The following MKLN1 variants were observed in gnomAD, a reference collection of about 807,000 sequenced individuals.
The protein encoded by MKLN1 is muskelin.
Under a neutral mutation model 99.0 loss-of-function variants are expected in MKLN1, and 18 were observed. That is an observed-to-expected ratio of 0.18 (90% CI 0.13 to 0.27). The LOEUF (loss-of-function observed/expected upper bound fraction) is 0.27, where lower values mean the gene tolerates loss of function less well. Ranked by LOEUF, MKLN1 falls within the 10% of genes least tolerant of loss-of-function variation. The probability of loss-of-function intolerance (pLI) is 1.00; values close to 1 mark genes in which losing one functional copy is unlikely to be tolerated. For synonymous variants in MKLN1, 288 were observed against 293.2 expected (o/e 0.98, Z 0.18); for missense variants, 621 against 875.9 (o/e 0.71, Z 3.67).
chr7:131,175,251 G>GATAGATAGATAGATAGATAGATA (rs71168380), intron 2 of MKLN1, among the ~76,000 whole-genome samples: 9,411 of 150,224 alleles, frequency 0.063, 415 homozygotes, highest in Admixed American at 0.14. Flanking sequence ...TGGATGGATA[G>GATAGATAGATAGATAGATAGATA]ATAGATAGAT....
chr7:131,208,729 G>A (rs1476114308), intron 3 of MKLN1, among the ~76,000 whole-genome samples: 1 of 152,156 alleles, frequency 6.6e-6, no homozygotes, highest in African/African-American at 2.4e-5. Flanking sequence ...AACCTGCCAT[G>A]TGCCTTCATC....
chr7:131,239,098 C>T (rs1310831029), intron 3 of MKLN1, among the ~76,000 whole-genome samples: 1 of 152,098 alleles, frequency 6.6e-6, no homozygotes, highest in African/African-American at 2.4e-5. Context: ...GGTGGCAGAA[C>T]CAAGACAGGA....
chr7:131,156,354 C>T (rs911093533), intron 2 of MKLN1, among the ~76,000 whole-genome samples: 1 of 148,830 alleles, frequency 6.7e-6, no homozygotes, highest in Non-Finnish European at 1.5e-5. Context: ...GGTGAAACCC[C>T]GTCTCTACTA....
intron 3 of MKLN1, among the ~76,000 whole-genome samples, chr7:131,299,480 A>G (rs1041622708): frequency 8.5e-5 from 13 of 152,234 alleles, no homozygotes; most frequent in Non-Finnish European, 1.2e-4. Flanking sequence ...AGAGAGAAAT[A>G]TAATATTTTC....
Position 131,275,567 on chromosome 7 carries a change from A to ATTTTT in MKLN1, c.-179+72614_-179+72618dup, listed in dbSNP as rs869119196. 8.0e-3 allele frequency among the ~76,000 whole-genome samples: 45 copies of ATTTTT among 5,598 alleles called. 7 individuals are homozygous for ATTTTT. Among genetic ancestry groups the ATTTTT allele is most frequent in the Admixed American group, 0.011 (2 of 182 alleles). 3.7% of individuals were successfully genotyped at this position (5,598 alleles called of 152,430 possible). On this transcript the variant is annotated intron_variant, in intron 3 of 7. Coordinates refer to the MKLN1 transcript ENST00000416992. Reference sequence around the variant, plus strand: ...TATATATATATATATATATATATATATTTTTTTTTTTTTTTTTTTTTTTTT... The same window carrying ATTTTT: ...TATATATATATATATATATATATATATTTTTTTTTTTTTTTTTTTTTTTTTTTTTT...
chr7:131,278,487 TC>T (rs1798006338), intron 3 of MKLN1, among the ~76,000 whole-genome samples: 1 of 152,220 alleles, frequency 6.6e-6, no homozygotes, highest in Non-Finnish European at 1.5e-5. Flanking sequence ...ACCCAGGCAT[TC>T]TTTTTCCATT....
chr7:131,401,589 G>C (rs185168048), intron 6 of MKLN1, among the ~76,000 whole-genome samples: 43 of 152,004 alleles, frequency 2.8e-4, no homozygotes, highest in African/African-American at 9.9e-4. Flanking sequence ...TCTTTTTTCT[G>C]TTTTCCTGGT....
rs1274709872 is a variant in MKLN1, at chr7:131,211,955, G to A, written c.-179+8981G>A. ...ATTGAATGGTCTTACAGGAGTGTTG[G>A]AGAGAAATGATGAAAAGCATTAGAA... is the stretch of plus-strand genomic sequence containing the variant. On this transcript the variant is annotated intron_variant, in intron 3 of 7. Transcript: ENST00000416992. Among the ~76,000 whole-genome samples, 7 of 152,240 alleles carry A rather than the reference G, an allele frequency of 4.6e-5. No individual in the cohort carries two copies. In the South Asian group the frequency reaches 1.0e-3, roughly 23 times the overall value.
At chr7:131,259,420 C>T (rs1050858264) in intron 3 of MKLN1, among the ~76,000 whole-genome samples, 1 of 152,146 alleles carries the variant, frequency 6.6e-6, no homozygotes. Flanking sequence ...ACATATTCTT[C>T]ATCTTTCCTT....
At chr7:131,352,158 A>G (rs1799739361) in intron 1 of MKLN1, among the ~76,000 whole-genome samples, 2 of 151,970 alleles carry the variant, frequency 1.3e-5, no homozygotes, top group South Asian at 4.1e-4. Context: ...CTCTTTATTC[A>G]TTGTGTTTTA....
intron 3 of MKLN1, among the ~76,000 whole-genome samples, chr7:131,266,960 A>AT (rs201858971): frequency 1.9e-3 from 282 of 150,100 alleles, no homozygotes; most frequent in African/African-American, 6.2e-3. Context: ...AGGCAATAGA[A>AT]TTTTTTTTTT....
chr7:131,426,383 G>C (rs937679917), intron 8 of MKLN1, among the ~76,000 whole-genome samples: 2 of 152,038 alleles, frequency 1.3e-5, no homozygotes, highest in Admixed American at 1.3e-4. Flanking sequence ...AATTTAACAG[G>C]GTTAATTTCC....
intron 3 of MKLN1, among the ~76,000 whole-genome samples, chr7:131,288,351 T>C (rs1185485662): frequency 6.6e-6 from 1 of 152,204 alleles, no homozygotes; most frequent in East Asian, 1.9e-4. Context: ...TCTTCAGGCC[T>C]GGACTTCTAC....
intron 2 of MKLN1, among the ~76,000 whole-genome samples, chr7:131,197,418 T>G (rs2116400507): frequency 8.4e-6 from 1 of 118,680 alleles, no homozygotes; most frequent in Admixed American, 9.2e-5. Context: ...ATTATTATTA[T>G]TATTATTATT....
chr7:131,429,094 C>T lies in MKLN1; in HGVS notation c.909C>T (p.Tyr303=). ...GTQDLADFWA[Y]SVKENQWTCI... is the part of the protein sequence containing the mutation. ...AAGATCTTGCTGACTTCTGGGCGTA[C>T]AGTGTGAAGGAGAACCAGTGGACAT... Residue 303 remains tyrosine, a synonymous_variant, in exon 9 of 18, where the codon TAC becomes TAT. Coordinates refer to ENST00000352689, the MANE Select transcript of MKLN1 (RefSeq NM_013255.5). 1.2e-6 allele frequency: 2 copies of T among 1,613,786 alleles called. No individual in the cohort carries two copies. Among genetic ancestry groups the T allele is most frequent in the Non-Finnish European group, 1.7e-6 (2 of 1,179,888 alleles).
At chr7:131,168,847 T>C (rs1796173788) in intron 2 of MKLN1, among the ~76,000 whole-genome samples, 1 of 151,298 alleles carries the variant, frequency 6.6e-6, no homozygotes, top group African/African-American at 2.4e-5. Flanking sequence ...AGTTACCAAA[T>C]TGAAATTTAA....
intron 3 of MKLN1, among the ~76,000 whole-genome samples, chr7:131,243,712 A>T (rs939353143): frequency 2.4e-4 from 37 of 152,254 alleles, no homozygotes; most frequent in Middle Eastern, 3.4e-3. Context: ...ATATATTTAA[A>T]TTTTTTAAAA....
At chr7:131,335,737 C>G (rs1248184949) in intron 1 of MKLN1, among the ~76,000 whole-genome samples, 1 of 148,386 alleles carries the variant, frequency 6.7e-6, no homozygotes, top group Non-Finnish European at 1.5e-5. Context: ...ACTTTTTGAA[C>G]GTTTGGGGAT....
intron 16 of MKLN1, among the ~76,000 whole-genome samples, chr7:131,476,477 G>A (rs897505639): frequency 6.6e-6 from 1 of 151,952 alleles, no homozygotes; most frequent in Non-Finnish European, 1.5e-5. Flanking sequence ...GAAAAAAAAA[G>A]CAATTATTAG....
Sources: gnomAD v4.1 joint callset for allele counts (sites outside exome capture counted in the v4.1 genomes callset) on GRCh38, gnomAD v4.1.1 for gene constraint, MANE v1.5 for transcripts, NCBI Gene and HGNC (gene_info 2026-07-23, HGNC 2026-07-21) for gene names.